The following C2orf92 variants were observed in gnomAD, a reference collection of about 807,000 sequenced individuals.
C2orf92 encodes chromosome 2 open reading frame 92.
At chr2:97,678,525 A>G (rs888104330) in intron 3 of C2orf92, among the ~76,000 whole-genome samples, 5 of 152,162 alleles carry the variant, frequency 3.3e-5, no homozygotes, top group African/African-American at 9.7e-5. Context: ...GCAAATTGTC[A>G]AAATCCAGAC....
intron 3 of C2orf92, among the ~76,000 whole-genome samples, chr2:97,676,776 A>G (rs1283766061): frequency 6.8e-6 from 1 of 147,474 alleles, no homozygotes; most frequent in Admixed American, 6.7e-5. Context: ...TCTATTAAAA[A>G]AAAAGAGAGA....
intron 3 of C2orf92, among the ~76,000 whole-genome samples, chr2:97,688,266 G>A (rs892353218): frequency 1.3e-5 from 2 of 151,956 alleles, no homozygotes; most frequent in Non-Finnish European, 2.9e-5. Flanking sequence ...TCAAGCGAGT[G>A]GAAACCACCG....
At chr2:97,664,838 G>A (rs1173355970), upstream of C2orf92, 1 of 152,178 alleles carries the variant, frequency 6.6e-6, no homozygotes, top group African/African-American at 2.4e-5. Flanking sequence ...TCTTTCCAAA[G>A]CGTTGGGATT....
In C2orf92 at chr2:97,699,021, T is replaced by G. The variant is rs961318028; in HGVS notation, c.404-5T>G. ...TTGTAGATGAACACATTTTATCTTT[T>G]GTAGATCACCTTTCAGAGGAGAAGA... On this transcript the variant is annotated splice_region_variant and splice_polypyrimidine_tract_variant and intron_variant, in intron 5 of 7. Coordinates refer to ENST00000627399, the MANE Select transcript of C2orf92 (RefSeq NM_001351368.2). 3 of 398,444 alleles carry G rather than the reference T, an allele frequency of 7.5e-6. No homozygotes were observed. Among genetic ancestry groups the G allele is most frequent in the African/African-American group, 6.2e-5 (3 of 48,634 alleles). The allele number at this position is 398,444 out of a possible 1,614,324, so 24.7% of individuals were successfully genotyped here.
upstream of C2orf92, chr2:97,669,534 A>G (rs1379563850): frequency 2.8e-6 from 1 of 358,092 alleles, no homozygotes; most frequent in Non-Finnish European, 5.0e-6. Flanking sequence ...CAGGACATGC[A>G]GGATGGAGGA....
At chr2:97,691,344 C>G (rs971860056) in intron 5 of C2orf92, among the ~76,000 whole-genome samples, 3 of 152,170 alleles carry the variant, frequency 2.0e-5, no homozygotes, top group African/African-American at 7.2e-5. Context: ...GTCCTTCCCC[C>G]GCTGGGGTGG....
At chr2:97,685,856 C>G (rs1675944291) in intron 3 of C2orf92, among the ~76,000 whole-genome samples, 1 of 152,204 alleles carries the variant, frequency 6.6e-6, no homozygotes, top group Non-Finnish European at 1.5e-5. Context: ...AGCCACCGTG[C>G]CCAGCCAGAA....
intron 5 of C2orf92, among the ~76,000 whole-genome samples, chr2:97,697,013 A>G (rs1018123534): frequency 6.6e-6 from 1 of 152,214 alleles, no homozygotes; most frequent in Non-Finnish European, 1.5e-5. Context: ...CTTTTTCTTG[A>G]GCACAAAGTC....
intron 5 of C2orf92, among the ~76,000 whole-genome samples, chr2:97,693,545 AT>A (rs1676208186): frequency 6.6e-6 from 1 of 152,250 alleles, no homozygotes; most frequent in South Asian, 2.1e-4. Flanking sequence ...TAATCATATG[AT>A]TCTTTTCCTT....
Sources: allele counts gnomAD v4.1 joint callset (sites outside exome capture counted in the v4.1 genomes callset), GRCh38; gene constraint gnomAD v4.1.1; transcripts MANE v1.5; gene names NCBI Gene and HGNC (gene_info 2026-07-23, HGNC 2026-07-21).